The following MPRIP variants were observed in gnomAD, a reference collection of about 807,000 sequenced individuals.
MPRIP encodes myosin phosphatase Rho-interacting protein.
A neutral mutation model predicts 234.9 loss-of-function variants in MPRIP; 59 were observed. The observed-to-expected ratio is 0.25, with a 90% CI of 0.20 to 0.31. The LOEUF (loss-of-function observed/expected upper bound fraction) is 0.31, where lower values mean the gene tolerates loss of function less well. Among genes scored for constraint, MPRIP ranks in the 10% least tolerant of loss-of-function variants. MPRIP has a pLI of 1.00. For missense variants in MPRIP, 2,436 were observed against 3,071.0 expected (o/e 0.79, Z 4.89); for synonymous variants, 1,144 against 1,263.9 (o/e 0.91, Z 2.01).
In MPRIP at chr17:17,066,769, T is replaced by C. The variant is rs993217598; in HGVS notation, c.124-8941T>C. 7.4e-4 allele frequency among the ~76,000 whole-genome samples: 78 copies of C among 105,848 alleles called. 2 individuals carry two copies. Among genetic ancestry groups the C allele is most frequent in the African/African-American group, 3.0e-3 (68 of 22,802 alleles). The allele number at this position is 105,848 out of a possible 152,430, so 69.4% of individuals were successfully genotyped here. ...TTTTTTTTTTTTTTTTTTTTTTTTTTGAGACAGTGTCTTGCCCTGCCCTGT... is the reference window on the plus strand; with the variant it reads ...TTTTTTTTTTTTTTTTTTTTTTTTTCGAGACAGTGTCTTGCCCTGCCCTGT... On this transcript the variant is annotated intron_variant, in intron 1 of 23. Transcript: ENST00000651222.
chr17:17,138,158 T>C lies in MPRIP; in HGVS notation c.979T>C (p.Cys327Arg). ...TCCTCGACTCCCCCACCAAATGGTC[T>C]GCAGCATCTCCCTCAGCTCCCTGGA... ...PGPRLPHQMV[C>R]SISLSSLDVA... Residue 327 changes from cysteine (C) to arginine (R), a missense_variant, in exon 7 of 24, where the codon TGC becomes CGC. Cys to Arg is a radical substitution (Grantham distance 180). Coordinates refer to ENST00000651222, the MANE Select transcript of MPRIP (RefSeq NM_001364716.4). The surrounding 1 kb of genome is among the most constrained non-coding windows in gnomAD (Gnocchi z 5.8). The C allele has an allele frequency of 7.9e-7, 1 of 1,269,386 alleles. No homozygotes were observed. Among genetic ancestry groups the C allele is most frequent in the South Asian group, 1.5e-5 (1 of 68,362 alleles). 78.6% of individuals were successfully genotyped at this position (1,269,386 alleles called of 1,614,324 possible).
At chr17:17,144,896 G>C (rs2045424011) in intron 9 of MPRIP, among the ~76,000 whole-genome samples, 1 of 152,246 alleles carries the variant, frequency 6.6e-6, no homozygotes, top group Admixed American at 6.5e-5. Flanking sequence ...CTGTCAGAGA[G>C]GGGGCAGGTG....
At chr17:17,057,541 G>A in intron 1 of MPRIP, 6 of 712,088 alleles carry the variant, frequency 8.4e-6, no homozygotes, top group South Asian at 7.5e-5. Context: ...GCCCCACAGT[G>A]GTCCCCAGAG....
chr17:17,180,393 T>G (rs1289879985), intron 23 of MPRIP, among the ~76,000 whole-genome samples: 1 of 152,248 alleles, frequency 6.6e-6, no homozygotes, highest in East Asian at 1.9e-4. Flanking sequence ...TGCTGTCAGC[T>G]GTGCCTGTGT....
intron 14 of MPRIP, among the ~76,000 whole-genome samples, chr17:17,159,340 G>T (rs969339656): frequency 6.6e-6 from 1 of 152,238 alleles, no homozygotes; most frequent in East Asian, 1.9e-4. Flanking sequence ...GCGCGAGCAG[G>T]GCAAGGCTTT....
Position 17,158,687 on chromosome 17 carries a change from G to C in MPRIP, c.2085G>C (p.Glu695Asp). 1 of 1,608,736 alleles carries C rather than the reference G, an allele frequency of 6.2e-7. No individual in the cohort carries two copies. The highest frequency in any genetic ancestry group is 8.5e-7 in the Non-Finnish European group (1 of 1,178,944). Residue 695 changes from glutamate to aspartate, a missense_variant, in exon 14 of 24, where the codon GAG (glutamate) becomes GAC (aspartate). Physicochemically the swap from Glu to Asp is conservative, Grantham distance 45. Transcript: ENST00000651222. The part of the protein sequence containing the change: ...DTHEPLRPEA[E>D]PGELERERAR... Reference sequence around the variant, plus strand: ...ACGAGCCCCTGCGCCCTGAGGCGGAGCCTGGGGAGCTGGAGCGGGAGCGTG... The same window carrying C: ...ACGAGCCCCTGCGCCCTGAGGCGGACCCTGGGGAGCTGGAGCGGGAGCGTG...
At chr17:17,132,882 G>A (rs558935424) in intron 5 of MPRIP, among the ~76,000 whole-genome samples, 18 of 152,320 alleles carry the variant, frequency 1.2e-4, no homozygotes, top group South Asian at 2.1e-4. Context: ...CAGTTAATAC[G>A]TAAATCCCCC....
In MPRIP at chr17:17,187,932, ATGTATTTATG is replaced by A. The variant is rs2046508049; in HGVS notation, c.*3043_*3052del. 6.6e-6 allele frequency: 1 copy of A among 152,234 alleles called. No individual in the cohort carries two copies. The highest frequency in any genetic ancestry group is 1.9e-4 in the East Asian group (1 of 5,206). The allele number at this position is 152,234 out of a possible 1,614,324, so 9.4% of individuals were successfully genotyped here. A position where few individuals can be genotyped will look rare whatever the true frequency, so the allele number is the denominator to read the frequency against. On this transcript the variant is annotated 3_prime_UTR_variant, in exon 24 of 24. Transcript: ENST00000651222. ...CAGCATTTTAATTATTTTCCTATAA[ATGTATTTATG>A]TGTAGTATGCTAGCACCAGCCAGTA... is the stretch of plus-strand genomic sequence containing the variant.
chr17:17,192,426 T>TGG lies in MPRIP; in HGVS notation c.*7532_*7533insGG, dbSNP rs1157972241. On this transcript the variant is annotated 3_prime_UTR_variant, in exon 24 of 24. Coordinates refer to ENST00000651222, the MANE Select transcript of MPRIP (RefSeq NM_001364716.4). ...GACCAGCTGAGCTGCTGCTTTTTTT[T>TGG]TGGGGGGGGGGGGGGGAGGGGCGTC... 5 of 2,968 alleles carry TGG rather than the reference T, an allele frequency of 1.7e-3. No individual in the cohort carries two copies. The highest frequency in any genetic ancestry group is 2.2e-3 in the Non-Finnish European group (3 of 1,354). The allele number at this position is 2,968 out of a possible 1,614,324, so 0.2% of individuals were successfully genotyped here. A position where few individuals can be genotyped will look rare whatever the true frequency, so the allele number is the denominator to read the frequency against.
rs2046279688 is a variant in MPRIP, at chr17:17,177,420, C to T, written c.7120+8C>T. 1.2e-6 allele frequency: 2 copies of T among 1,611,956 alleles called. No individual in the cohort carries two copies. The highest frequency in any genetic ancestry group is 1.1e-5 in the South Asian group (1 of 90,984). The stretch of plus-strand genomic sequence containing the variant: ...CCACGGTGTCCGGATATGGTGCGTC[C>T]TCGGGTCATGCCCTCTCGGTTATTG... On this transcript the variant is annotated splice_region_variant and intron_variant, in intron 22 of 23. Transcript: ENST00000651222.
At chr17:17,160,572 C>T (rs1245376272) in intron 14 of MPRIP, among the ~76,000 whole-genome samples, 1 of 152,218 alleles carries the variant, frequency 6.6e-6, no homozygotes, top group Non-Finnish European at 1.5e-5. Context: ...GAATGAGTAG[C>T]TGAAGCTGTT....
intron 11 of MPRIP, among the ~76,000 whole-genome samples, chr17:17,149,499 A>C (rs2045550167): frequency 6.6e-6 from 1 of 152,074 alleles, no homozygotes; most frequent in South Asian, 2.1e-4. Context: ...TCTCAAAAAA[A>C]AAAAAAACTT....
intron 15 of MPRIP, among the ~76,000 whole-genome samples, chr17:17,161,597 C>G (rs913342049): frequency 3.3e-5 from 5 of 152,164 alleles, no homozygotes; most frequent in African/African-American, 1.2e-4. Flanking sequence ...TATCTAAGGA[C>G]TTTTTTTGGT....
intron 9 of MPRIP, among the ~76,000 whole-genome samples, chr17:17,143,965 A>C (rs2045399590): frequency 6.6e-6 from 1 of 152,232 alleles, no homozygotes; most frequent in Non-Finnish European, 1.5e-5. Context: ...GCAGGGCTGC[A>C]GCAGGGACCC....
At chr17:17,131,197 G>A (rs1019365751) in intron 4 of MPRIP, among the ~76,000 whole-genome samples, 1 of 152,176 alleles carries the variant, frequency 6.6e-6, no homozygotes, top group African/African-American at 2.4e-5. Flanking sequence ...AGTACCCATT[G>A]TGGGAACTTG....
intron 3 of MPRIP, among the ~76,000 whole-genome samples, chr17:17,117,884 A>G (rs2090316636): frequency 6.6e-6 from 1 of 152,270 alleles, no homozygotes; most frequent in African/African-American, 2.4e-5. Flanking sequence ...CGACTTGCCC[A>G]GAATCACAGA....
At chr17:17,054,956 T>G (rs1350740458) in intron 1 of MPRIP, among the ~76,000 whole-genome samples, 8 of 150,542 alleles carry the variant, frequency 5.3e-5, no homozygotes, top group Non-Finnish European at 1.2e-4. Flanking sequence ...GAGGCTGAGG[T>G]AGAAGGATTG....
intron 3 of MPRIP, among the ~76,000 whole-genome samples, chr17:17,113,396 T>C (rs1308373577): frequency 3.3e-5 from 5 of 152,262 alleles, no homozygotes; most frequent in Admixed American, 3.3e-4. Context: ...TCATACAGTA[T>C]CTATCCTTTT....
chr17:17,107,100 G>A (rs571631310), intron 3 of MPRIP, among the ~76,000 whole-genome samples: 1 of 152,344 alleles, frequency 6.6e-6, no homozygotes, highest in African/African-American at 2.4e-5. Flanking sequence ...TCTATTCTTA[G>A]CTTCTGCTCC....
Sources: gnomAD v4.1 joint callset for allele counts (sites outside exome capture counted in the v4.1 genomes callset) on GRCh38, gnomAD v4.1.1 for gene constraint, Gnocchi (gnomAD v3.1) non-coding constraint, MANE v1.5 for transcripts, NCBI Gene and HGNC (gene_info 2026-07-23, HGNC 2026-07-21) for gene names.